Variants in COG1 observed in about 807,000 individuals in gnomAD.
COG1 encodes the protein component of oligomeric golgi complex 1.
In COG1, 61 loss-of-function variants were observed where a neutral mutation model predicts 102.2. The observed-to-expected ratio is 0.60, with a 90% CI of 0.49 to 0.74. COG1 has a LOEUF of 0.74. Ranked by LOEUF, COG1 falls within the 30% of genes least tolerant of loss-of-function variation. The pLI, the probability that COG1 is intolerant of heterozygous loss-of-function variation, is 0.00. For missense variants in COG1, 1,164 were observed against 1,232.1 expected, an observed-to-expected ratio of 0.94 and a Z score of 0.83; for synonymous variants, 454 against 493.6, an observed-to-expected ratio of 0.92 and a Z score of 1.06.
At position 73,200,669 on chromosome 17, in the gene COG1, A is replaced by G. The variant is rs1178363353; in HGVS notation, c.1174A>G (p.Asn392Asp). The change falls in exon 6 of 14, where the codon AAT becomes GAT. Residue 392 changes from asparagine (N) to aspartate (D), a missense_variant. By Grantham distance (23) the Asn-to-Asp change is conservative. Transcript: ENST00000299886. ...GGACGCCATGTGGGAGTTACTTACC[A>G]ATGAGTCCACCAATCACAGCTGGGA... ...IRDAMWELLT[N>D]ESTNHSWDVL... 12 of 1,614,026 alleles carry G rather than the reference A, an allele frequency of 7.4e-6. No homozygotes were observed. Among genetic ancestry groups the G allele is most frequent in the African/African-American group, 2.7e-5 (2 of 74,916 alleles).
At chr17:73,199,357 CTTCT>C (rs869165974) in intron 4 of COG1, among the ~76,000 whole-genome samples, 4 of 152,082 alleles carry the variant, frequency 2.6e-5, no homozygotes, top group African/African-American at 7.2e-5. Flanking sequence ...GCACTCATTT[CTTCT>C]TTCTACTCTT....
chr17:73,194,441 C>CAA lies in COG1; in HGVS notation c.315+1073_315+1074dup, dbSNP rs572388712. On this transcript the variant is annotated intron_variant, in intron 1 of 13. Coordinates refer to ENST00000299886, the MANE Select transcript of COG1 (RefSeq NM_018714.3). ...TGGGCCACAGAGCGAGACTCTGTCT[C>CAA]AAAAAAAAAAAAAAAAAGAATTTTT... Among the ~76,000 whole-genome samples the CAA allele has an allele frequency of 6.6e-3, 363 of 54,882 alleles. 4 individuals are homozygous for CAA. The highest frequency in any genetic ancestry group is 0.023 in the East Asian group (48 of 2,080). The allele number at this position is 54,882 out of a possible 152,430, so 36.0% of individuals were successfully genotyped here.
chr17:73,200,758 G>C lies in COG1; in HGVS notation c.1263G>C (p.Leu421=), dbSNP rs1295340265. 6.2e-7 allele frequency: 1 copy of C among 1,614,096 alleles called. No individual in the cohort carries two copies. The highest frequency in any genetic ancestry group is 1.7e-5 in the Admixed American group (1 of 60,022). The part of the protein sequence containing the change: ...LLFWEDMMQQ[L]FLDRLQTLTK... ...TCTGGGAAGATATGATGCAGCAACTGTTCCTTGACCGATTACAGGTGAGCT... is the reference window on the plus strand; with the variant it reads ...TCTGGGAAGATATGATGCAGCAACTCTTCCTTGACCGATTACAGGTGAGCT... The change falls in exon 6 of 14, where the codon CTG becomes CTC. Residue 421 remains leucine (L), a synonymous_variant. Coordinates refer to ENST00000299886, the MANE Select transcript of COG1 (RefSeq NM_018714.3).
chr17:73,206,331 C>A, intron 11 of COG1, 69 bp downstream of exon 11: 2 of 1,207,860 alleles, frequency 1.7e-6, no homozygotes, highest in Non-Finnish European at 2.5e-6. Flanking sequence ...AATTAACCTG[C>A]TCAAGCACGT....
At chr17:73,207,329 C>T (rs1468721722) in intron 13 of COG1, 73 bp downstream of exon 13, 1 of 1,324,310 alleles carries the variant, frequency 7.6e-7, no homozygotes, top group African/African-American at 1.5e-5. Flanking sequence ...TGATCAGCTC[C>T]CTTTTAAATA....
intron 9 of COG1, 61 bp from the exon 10 acceptor site, chr17:73,205,492 T>G (rs967043948): frequency 2.5e-6 from 4 of 1,593,184 alleles, no homozygotes; most frequent in Non-Finnish European, 3.4e-6. Flanking sequence ...TGAAGCTGTT[T>G]ATTACGCTCA....
chr17:73,199,283 A>T (rs1478897961), intron 4 of COG1, among the ~76,000 whole-genome samples: 2 of 152,106 alleles, frequency 1.3e-5, no homozygotes, highest in Non-Finnish European at 2.9e-5. Context: ...GAGGAAAGGG[A>T]AGCCATTACC....
intron 4 of COG1, among the ~76,000 whole-genome samples, chr17:73,199,488 TTC>T (rs2061338016): frequency 1.3e-5 from 2 of 152,358 alleles, no homozygotes; most frequent in African/African-American, 4.8e-5. Flanking sequence ...GTCCCGTACT[TTC>T]TCTTTCCTTG....
rs376560272 is a variant in COG1, at chr17:73,200,745, T to C, written c.1250T>C (p.Met417Thr). 9 of 1,614,094 alleles carry C rather than the reference T, an allele frequency of 5.6e-6. No individual in the cohort carries two copies. Among genetic ancestry groups the C allele is most frequent in the Middle Eastern group, 3.3e-4 (2 of 6,052 alleles). The change falls in exon 6 of 14, where the codon ATG (methionine) becomes ACG (threonine). Residue 417 changes from methionine (M) to threonine (T), a missense_variant. By Grantham distance (81) the Met-to-Thr change is moderately conservative (BLOSUM62 -1). Coordinates refer to ENST00000299886, the MANE Select transcript of COG1 (RefSeq NM_018714.3). ...AAGCCGCTCTTGTTCTGGGAAGATATGATGCAGCAACTGTTCCTTGACCGA... is the reference window on the plus strand; with the variant it reads ...AAGCCGCTCTTGTTCTGGGAAGATACGATGCAGCAACTGTTCCTTGACCGA... ...LEKPLLFWED[M>T]MQQLFLDRLQ...
chr17:73,195,132 C>G (rs1300292593), intron 1 of COG1, among the ~76,000 whole-genome samples: 1 of 152,128 alleles, frequency 6.6e-6, no homozygotes. Context: ...TTGAATTATG[C>G]CTGATTTTAG....
intron 5 of COG1, 152 bp downstream of exon 5, chr17:73,200,173 C>A (rs2145096498): frequency 3.1e-6 from 3 of 963,962 alleles, no homozygotes; most frequent in East Asian, 2.6e-5. Context: ...TGACCCATTG[C>A]CACCTTTGAG....
chr17:73,207,700 A>G, intron 13 of COG1: 1 of 1,292,482 alleles, frequency 7.7e-7, no homozygotes, highest in Non-Finnish European at 1.0e-6. Flanking sequence ...GTTTCATTTC[A>G]GTACGATGCC....
At chr17:73,194,533 G>A (rs1322930011) in intron 1 of COG1, among the ~76,000 whole-genome samples, 2 of 150,364 alleles carry the variant, frequency 1.3e-5, no homozygotes, top group African/African-American at 4.9e-5. Flanking sequence ...GCGCGATCTC[G>A]GCTCACTGCA....
intron 4 of COG1, among the ~76,000 whole-genome samples, chr17:73,199,083 G>C (rs1254379130): frequency 6.6e-6 from 1 of 152,182 alleles, no homozygotes; most frequent in African/African-American, 2.4e-5. Context: ...CCTTGGGAGG[G>C]CCCTGGGTTT....
At chr17:73,197,990 T>C (rs2061332163) in intron 4 of COG1, among the ~76,000 whole-genome samples, 1 of 152,224 alleles carries the variant, frequency 6.6e-6, no homozygotes, top group African/African-American at 2.4e-5. Flanking sequence ...CTGTTATGTG[T>C]GCCCGTGCAT....
At chr17:73,202,518 C>T (rs1015305632) in intron 7 of COG1, among the ~76,000 whole-genome samples, 2 of 149,034 alleles carry the variant, frequency 1.3e-5, no homozygotes, top group East Asian at 2.1e-4. Flanking sequence ...CCAGGCATGG[C>T]GGCTCATGCC....
intron 5 of COG1, 107 bp from the exon 6 acceptor site, chr17:73,200,459 A>G: frequency 1.0e-6 from 1 of 1,000,928 alleles, no homozygotes; most frequent in East Asian, 2.4e-5. Context: ...ATATTTATCT[A>G]CTGGAACTCA....
intron 8 of COG1, 119 bp downstream of exon 8, chr17:73,203,265 T>C (rs896813139): frequency 2.1e-5 from 28 of 1,332,768 alleles, no homozygotes; most frequent in Non-Finnish European, 2.8e-5. Flanking sequence ...CATCTGTAAT[T>C]TTCTACTGTG....
intron 6 of COG1, 133 bp downstream of exon 6, chr17:73,200,909 G>C: frequency 3.1e-6 from 3 of 976,390 alleles, no homozygotes; most frequent in Non-Finnish European, 4.8e-6. Flanking sequence ...GTCTAGAGCT[G>C]AAAATACACC....
Sources: allele counts gnomAD v4.1 joint callset (sites outside exome capture counted in the v4.1 genomes callset), GRCh38; gene constraint gnomAD v4.1.1; transcripts MANE v1.5; gene names NCBI Gene and HGNC (gene_info 2026-07-23, HGNC 2026-07-21).